NEO1: variants seen among roughly 807,000 people sequenced by gnomAD.
NEO1 encodes neogenin.
In NEO1, 63 loss-of-function variants were observed where a neutral mutation model predicts 159.7. That is an observed-to-expected ratio of 0.39 (90% CI 0.32 to 0.49). NEO1 has a LOEUF of 0.49. Among genes scored for constraint, NEO1 ranks in the 20% least tolerant of loss-of-function variants. The pLI is 0.85. For missense variants in NEO1, 1,615 were observed against 1,831.0 expected, an observed-to-expected ratio of 0.88 and a Z score of 2.15; for synonymous variants, 633 against 662.0, an observed-to-expected ratio of 0.96 and a Z score of 0.67.
At chr15:73,110,850 C>T (rs2070941056) in intron 1 of NEO1, among the ~76,000 whole-genome samples, 1 of 151,950 alleles carries the variant, frequency 6.6e-6, no homozygotes, top group Non-Finnish European at 1.5e-5. Context: ...ACAAAGTCAG[C>T]TAAGGAGTGA....
chr15:73,288,477 G>C lies in NEO1; in HGVS notation c.3575G>C (p.Arg1192Pro). Residue 1192 changes from arginine (R) to proline (P), a missense_variant, in exon 24 of 29, where the codon CGC becomes CCC. This residue lies in a region of NEO1 where 471 missense variants were observed against 498.9 expected (regional missense o/e 0.94). Coordinates refer to ENST00000261908, the MANE Select transcript of NEO1 (RefSeq NM_002499.4). ...ATCATGACTGATACTCCAATTCCTC[G>C]CAACTCTCAAGATATCACACCAGTT... ...NPIMTDTPIP[R>P]NSQDITPVDN... is the part of the protein sequence containing the mutation. 1 of 1,614,014 alleles carries C rather than the reference G, an allele frequency of 6.2e-7. No homozygotes were observed.
chr15:73,065,142 T>C (rs555731323), intron 1 of NEO1, among the ~76,000 whole-genome samples: 16 of 152,314 alleles, frequency 1.1e-4, no homozygotes, highest in African/African-American at 2.9e-4. Flanking sequence ...TCTTTTGTTT[T>C]AATGTTATTA....
chr15:73,122,063 G>A (rs2061891), intron 2 of NEO1, among the ~76,000 whole-genome samples: 53 of 126,358 alleles, frequency 4.2e-4, no homozygotes, highest in African/African-American at 7.7e-4. Flanking sequence ...GTGTGTGTGT[G>A]TATATATATA....
chr15:73,300,487 C>T (rs549028496), intron 27 of NEO1, among the ~76,000 whole-genome samples: 1 of 152,136 alleles, frequency 6.6e-6, no homozygotes, highest in Non-Finnish European at 1.5e-5. Flanking sequence ...CCCAGCACTT[C>T]GGGAGGCCGA....
chr15:73,202,937 G>A (rs2036986845), intron 7 of NEO1, among the ~76,000 whole-genome samples: 1 of 152,108 alleles, frequency 6.6e-6, no homozygotes, highest in Non-Finnish European at 1.5e-5. Flanking sequence ...CATCCATATT[G>A]TAACATATGT....
intron 12 of NEO1, 93 bp downstream of exon 12, chr15:73,253,542 A>C: frequency 1.3e-6 from 1 of 787,252 alleles, no homozygotes; most frequent in East Asian, 2.6e-5. Flanking sequence ...GGAAAGCATC[A>C]AAATAAATGA....
intron 1 of NEO1, among the ~76,000 whole-genome samples, chr15:73,076,633 A>G (rs972996921): frequency 6.6e-6 from 1 of 152,138 alleles, no homozygotes; most frequent in African/African-American, 2.4e-5. Context: ...CTTCATTCTA[A>G]GTTTGTATTT....
intron 1 of NEO1, among the ~76,000 whole-genome samples, chr15:73,093,146 T>C (rs1223606123): frequency 6.6e-6 from 1 of 152,216 alleles, no homozygotes; most frequent in East Asian, 1.9e-4. Context: ...CTGGGGCTTA[T>C]GGTTTTGGAA....
chr15:73,052,591 G>A lies in NEO1; in HGVS notation c.-85G>A. 1.1e-6 allele frequency: 1 copy of A among 880,330 alleles called. No homozygotes were observed. Among genetic ancestry groups the A allele is most frequent in the South Asian group, 3.9e-5 (1 of 25,664 alleles). 54.5% of individuals were successfully genotyped at this position (880,330 alleles called of 1,614,324 possible). On this transcript the variant is annotated 5_prime_UTR_variant, in exon 1 of 29. Transcript: ENST00000261908. ...GCCGCGGGAGCCGAGCTTGCAGCGA[G>A]GGACCGGCTGAGGCGCGCGGGAGGG...
intron 26 of NEO1, among the ~76,000 whole-genome samples, chr15:73,297,989 C>CT (rs1358608733): frequency 6.6e-6 from 1 of 152,220 alleles, no homozygotes. Context: ...AGGCCACTGT[C>CT]TAAGATTCCA....
At chr15:73,106,875 C>T (rs1422360844) in intron 1 of NEO1, among the ~76,000 whole-genome samples, 1 of 152,206 alleles carries the variant, frequency 6.6e-6, no homozygotes, top group African/African-American at 2.4e-5. Flanking sequence ...TGCCTTTAGA[C>T]TTCGTCCAAT....
chr15:73,059,204 G>T (rs1041970303), intron 1 of NEO1, among the ~76,000 whole-genome samples: 1 of 152,084 alleles, frequency 6.6e-6, no homozygotes, highest in African/African-American at 2.4e-5. Context: ...TATGTAAACA[G>T]GTTTTGATTC....
rs143875015 is a variant in NEO1, at chr15:73,213,557, A to G, written c.1292-22790A>G. ...TTCCTGAGTTACTTCACTTTGAATA[A>G]TAGCCTCCAGTCTCATCCAGGTCAC... On this transcript the variant is annotated intron_variant, in intron 7 of 28. Transcript: ENST00000261908. Among the ~76,000 whole-genome samples the G allele has an allele frequency of 1.8e-3, 275 of 152,290 alleles. 1 individual carries two copies. The highest frequency in any genetic ancestry group is 6.4e-3 in the African/African-American group (268 of 41,556).
chr15:73,179,987 T>A (rs746847804), intron 7 of NEO1, among the ~76,000 whole-genome samples: 5 of 152,168 alleles, frequency 3.3e-5, no homozygotes, highest in Non-Finnish European at 5.9e-5. Context: ...TATTTTCTTA[T>A]ACTAAATTAC....
intron 7 of NEO1, among the ~76,000 whole-genome samples, chr15:73,218,444 A>C (rs2038033005): frequency 6.6e-6 from 1 of 152,020 alleles, no homozygotes; most frequent in Non-Finnish European, 1.5e-5. Context: ...GCCTCATAAA[A>C]TGAGTTAGGG....
intron 1 of NEO1, among the ~76,000 whole-genome samples, chr15:73,112,834 A>G (rs1024733514): frequency 6.6e-6 from 1 of 152,184 alleles, no homozygotes; most frequent in African/African-American, 2.4e-5. Flanking sequence ...TTATGTAGAA[A>G]ATATTTCGAA....
At chr15:73,097,211 G>A (rs1184374132) in intron 1 of NEO1, among the ~76,000 whole-genome samples, 4 of 152,164 alleles carry the variant, frequency 2.6e-5, no homozygotes, top group Admixed American at 6.5e-5. Flanking sequence ...TGGACTAACT[G>A]GTTGGTATCA....
At chr15:73,127,680 T>C (rs1003350362) in intron 4 of NEO1, among the ~76,000 whole-genome samples, 2 of 152,242 alleles carry the variant, frequency 1.3e-5, no homozygotes, top group African/African-American at 4.8e-5. Context: ...GCCACGTTTT[T>C]AAAAAGTAAG....
intron 1 of NEO1, among the ~76,000 whole-genome samples, chr15:73,093,443 T>C (rs1369888491): frequency 6.6e-6 from 1 of 152,232 alleles, no homozygotes; most frequent in Non-Finnish European, 1.5e-5. Flanking sequence ...TTTGTCTTTT[T>C]TCTCCATTTA....
Sources: allele counts gnomAD v4.1 joint callset (sites outside exome capture counted in the v4.1 genomes callset), GRCh38; gene constraint gnomAD v4.1.1; regional missense constraint gnomAD v4.1.1; transcripts MANE v1.5; gene names NCBI Gene and HGNC (gene_info 2026-07-23, HGNC 2026-07-21).